The following NACC2 variants were observed in gnomAD, a reference collection of about 807,000 sequenced individuals.
NACC2 encodes the protein NACC family member 2.
In NACC2, 8 loss-of-function variants were observed where a neutral mutation model predicts 25.1. The ratio of observed to expected loss-of-function variants is 0.32; its 90% CI spans 0.19 to 0.57. NACC2 has a LOEUF of 0.57. Among genes scored for constraint, NACC2 ranks in the 20% least tolerant of loss-of-function variants. The probability of loss-of-function intolerance (pLI) is 0.89; values close to 1 mark genes in which losing one functional copy is unlikely to be tolerated. For missense variants in NACC2, 644 were observed against 650.2 expected, an observed-to-expected ratio of 0.99 and a Z score of 0.10; for synonymous variants, 435 against 294.7, an observed-to-expected ratio of 1.48 and a Z score of -4.88.
At chr9:136,064,312 T>C (rs549920092) in intron 1 of NACC2, among the ~76,000 whole-genome samples, 1 of 152,204 alleles carries the variant, frequency 6.6e-6, no homozygotes, top group South Asian at 2.1e-4. Context: ...AAGTAAATCC[T>C]AATCCTTAAA....
Position 136,084,349 on chromosome 9 carries a change from G to A in NACC2, c.-60+10840C>T, listed in dbSNP as rs1481346974. 6.6e-6 allele frequency among the ~76,000 whole-genome samples: 1 copy of A among 152,132 alleles called. No homozygotes were observed. The highest frequency in any genetic ancestry group is 2.4e-5 in the African/African-American group (1 of 41,422). ...CACCTGGGGCCTTCACCAAAGGCGG[G>A]TTGCTGGAGGGCTGCTTCCGAGACT... On this transcript the variant is annotated intron_variant, in intron 1 of 5. Coordinates refer to ENST00000277554, the MANE Select transcript of NACC2 (RefSeq NM_144653.5). This position sits in a 1 kb window ranked among gnomAD's most constrained non-coding sequence, Gnocchi z 5.1.
intron 2 of NACC2, among the ~76,000 whole-genome samples, chr9:136,044,447 G>A (rs1326344491): frequency 3.3e-5 from 5 of 151,660 alleles, no homozygotes; most frequent in Non-Finnish European, 1.5e-5. Context: ...CTTCAAAGCA[G>A]AAGGAACCCT....
intron 1 of NACC2, among the ~76,000 whole-genome samples, chr9:136,079,848 G>A (rs374498308): frequency 1.3e-5 from 2 of 152,198 alleles, no homozygotes; most frequent in African/African-American, 4.8e-5. Context: ...AACTTTCCAG[G>A]ACCCCAAGGC....
chr9:136,079,803 AG>A (rs1294926635), intron 1 of NACC2, among the ~76,000 whole-genome samples: 3 of 152,222 alleles, frequency 2.0e-5, no homozygotes, highest in Admixed American at 1.3e-4. Flanking sequence ...GTAAGATTTC[AG>A]GCCACCAGGA....
chr9:136,028,851 C>A (rs1318730476), intron 2 of NACC2, among the ~76,000 whole-genome samples: 1 of 152,236 alleles, frequency 6.6e-6, no homozygotes, highest in East Asian at 1.9e-4. Flanking sequence ...TGTAGCTGAA[C>A]CTGGGCACTG....
At chr9:136,033,596 G>A (rs1223662422) in intron 2 of NACC2, among the ~76,000 whole-genome samples, 2 of 141,132 alleles carry the variant, frequency 1.4e-5, no homozygotes, top group African/African-American at 5.3e-5. Context: ...GTTGGAGTGA[G>A]CTGAGATCTG....
chr9:136,042,278 T>C (rs1840644597), intron 2 of NACC2, among the ~76,000 whole-genome samples: 1 of 152,086 alleles, frequency 6.6e-6, no homozygotes, highest in Non-Finnish European at 1.5e-5. Flanking sequence ...GTGAGCCACC[T>C]TGTCCAGCCC....
intron 2 of NACC2, among the ~76,000 whole-genome samples, chr9:136,039,817 T>A (rs1840601711): frequency 6.6e-6 from 1 of 152,066 alleles, no homozygotes; most frequent in Admixed American, 6.6e-5. Context: ...AAAGAAAGGC[T>A]GATATGTTCC....
chr9:136,083,817 C>T (rs1007284672), intron 1 of NACC2, among the ~76,000 whole-genome samples: 4 of 152,220 alleles, frequency 2.6e-5, no homozygotes, highest in African/African-American at 9.6e-5. Context: ...ACATTCATCT[C>T]GACCGCTGCT....
At chr9:136,074,221 A>C (rs112433274) in intron 1 of NACC2, among the ~76,000 whole-genome samples, 2 of 148,586 alleles carry the variant, frequency 1.3e-5, no homozygotes, top group East Asian at 2.1e-4. Context: ...GAGGCCGAGG[A>C]GGGCAGATCA....
chr9:136,036,646 AG>A (rs1840558921), intron 2 of NACC2, among the ~76,000 whole-genome samples: 1 of 152,174 alleles, frequency 6.6e-6, no homozygotes, highest in African/African-American at 2.4e-5. Flanking sequence ...AGAAATGGAA[AG>A]TATAAAAAAG....
At position 136,049,689 on chromosome 9, in the gene NACC2, A is replaced by G. The variant is rs1348530649; in HGVS notation, c.833T>C (p.Met278Thr). The change falls in exon 2 of 6, where the codon ATG (methionine) becomes ACG (threonine). Residue 278 changes from methionine to threonine, a missense_variant. Coordinates refer to ENST00000277554, the MANE Select transcript of NACC2 (RefSeq NM_144653.5). ...DEEDDEAYDT[M>T]VEEQYGQMYI... ...CATCTGGCCGTACTGCTCCTCCACC[A>G]TGGTGTCGTAGGCCTCGTCGTCCTC... 5.1e-6 allele frequency: 4 copies of G among 778,238 alleles called. No homozygotes were observed. Among genetic ancestry groups the G allele is most frequent in the African/African-American group, 5.1e-5 (3 of 58,770 alleles). 48.2% of individuals were successfully genotyped at this position (778,238 alleles called of 1,614,324 possible). A position where few individuals can be genotyped will look rare whatever the true frequency, so the allele number is the denominator to read the frequency against.
At chr9:136,035,242 C>T (rs1840533716) in intron 2 of NACC2, among the ~76,000 whole-genome samples, 1 of 151,964 alleles carries the variant, frequency 6.6e-6, no homozygotes, top group Non-Finnish European at 1.5e-5. Context: ...AAGGGGAGAA[C>T]AGTGACCACC....
chr9:136,087,936 C>T lies in NACC2; in HGVS notation c.-60+7253G>A, dbSNP rs114272216. The stretch of plus-strand genomic sequence containing the variant: ...CCCAGGAAGGCCCAGTTTCCCACCC[C>T]GGGGACTCTGCTGGGAAGTTCCGGG... On this transcript the variant is annotated intron_variant, in intron 1 of 5. Transcript: ENST00000277554. 9.5e-3 allele frequency among the ~76,000 whole-genome samples: 1,443 copies of T among 152,024 alleles called. 19 individuals are homozygous for T. The highest frequency in any genetic ancestry group is 0.032 in the African/African-American group (1,342 of 41,472).
chr9:136,058,268 G>A (rs900549896), intron 1 of NACC2, among the ~76,000 whole-genome samples: 10 of 152,196 alleles, frequency 6.6e-5, no homozygotes, highest in Non-Finnish European at 1.0e-4. Flanking sequence ...GAACTACAGG[G>A]CAGACACCCG....
chr9:136,078,110 C>T lies in NACC2; in HGVS notation c.-60+17079G>A, dbSNP rs139971892. On this transcript the variant is annotated intron_variant, in intron 1 of 5. Coordinates refer to ENST00000277554, the MANE Select transcript of NACC2 (RefSeq NM_144653.5). ...ATAATCACGAGGTTTGCCGTACTAT[C>T]TTTAAACAATCCATGCACGAGTTTA... Among the ~76,000 whole-genome samples, 62 of 152,316 alleles carry T rather than the reference C, an allele frequency of 4.1e-4. No homozygotes were observed. In the East Asian group the frequency reaches 0.012, roughly 29 times the overall value.
intron 2 of NACC2, among the ~76,000 whole-genome samples, chr9:136,024,181 G>T (rs12235121): frequency 0.12 from 16,455 of 137,802 alleles, 1,431 homozygotes; most frequent in Admixed American, 0.18. Flanking sequence ...TGTGTGTGAG[G>T]ACGGAGTGTG....
chr9:136,030,951 G>A (rs776001055), intron 2 of NACC2, among the ~76,000 whole-genome samples: 5 of 152,146 alleles, frequency 3.3e-5, no homozygotes, highest in Admixed American at 6.5e-5. Context: ...GTGAACCACC[G>A]TGCCCGGCCA....
At chr9:136,079,503 A>T (rs1830298996) in intron 1 of NACC2, among the ~76,000 whole-genome samples, 1 of 152,174 alleles carries the variant, frequency 6.6e-6, no homozygotes, top group Non-Finnish European at 1.5e-5. Context: ...GTGGGGCAGC[A>T]AGCCCCTCCT....
Sources: allele counts gnomAD v4.1 joint callset (sites outside exome capture counted in the v4.1 genomes callset), GRCh38; gene constraint gnomAD v4.1.1; non-coding constraint Gnocchi (gnomAD v3.1); transcripts MANE v1.5; gene names NCBI Gene and HGNC (gene_info 2026-07-23, HGNC 2026-07-21).